DSCAM: variants seen among roughly 807,000 people sequenced by gnomAD.
DSCAM encodes the protein cell adhesion molecule DSCAM.
In DSCAM, 47 loss-of-function variants were observed where a neutral mutation model predicts 217.7. The observed-to-expected ratio is 0.22, with a 90% confidence interval of 0.17 to 0.28. The LOEUF is 0.28. Among genes scored for constraint, DSCAM ranks in the 10% least tolerant of loss-of-function variants. The pLI, the probability that DSCAM is intolerant of heterozygous loss-of-function variation, is 1.00. For missense variants in DSCAM, 2,080 were observed against 2,618.3 expected (o/e 0.79, Z 4.49); for synonymous variants, 1,056 against 1,015.3 (o/e 1.04, Z -0.76).
At chr21:40,252,293 T>C (rs1442934084) in intron 11 of DSCAM, among the ~76,000 whole-genome samples, 1 of 152,174 alleles carries the variant, frequency 6.6e-6, no homozygotes, top group Non-Finnish European at 1.5e-5. Context: ...TAATCTTTGG[T>C]AGGGTACAGA....
chr21:40,379,787 TA>T (rs1306590470), intron 3 of DSCAM, among the ~76,000 whole-genome samples: 1 of 152,164 alleles, frequency 6.6e-6, no homozygotes, highest in African/African-American at 2.4e-5. Flanking sequence ...AGTTTTTTTC[TA>T]AAAATAGGAT....
chr21:40,529,827 T>A, intron 3 of DSCAM, among the ~76,000 whole-genome samples: 1 of 152,142 alleles, frequency 6.6e-6, no homozygotes, highest in Admixed American at 6.6e-5. Context: ...GGTATCCCTC[T>A]TTCTTTCCTT....
At chr21:40,308,051 T>G (rs2123480728) in intron 9 of DSCAM, among the ~76,000 whole-genome samples, 1 of 151,986 alleles carries the variant, frequency 6.6e-6, no homozygotes, top group South Asian at 2.1e-4. Context: ...ACCTGCACAT[T>G]GTGCACATAT....
At chr21:40,843,708 T>A (rs2092121354) in intron 1 of DSCAM, among the ~76,000 whole-genome samples, 1 of 152,022 alleles carries the variant, frequency 6.6e-6, no homozygotes, top group Admixed American at 6.6e-5. Context: ...ATTGACTGCT[T>A]TAAAACACGA....
At chr21:40,800,394 G>A (rs1237807340) in intron 1 of DSCAM, among the ~76,000 whole-genome samples, 3 of 152,134 alleles carry the variant, frequency 2.0e-5, no homozygotes, top group Non-Finnish European at 4.4e-5. Flanking sequence ...TGAGGGAGCA[G>A]GCTAGAAAAA....
chr21:40,063,449 C>A (rs944514150), intron 27 of DSCAM, among the ~76,000 whole-genome samples: 16 of 151,370 alleles, frequency 1.1e-4, no homozygotes, highest in African/African-American at 3.9e-4. Flanking sequence ...GACCGGGTTA[C>A]CACTCTTGAC....
At chr21:40,256,740 CA>C (rs2073377580) in intron 11 of DSCAM, among the ~76,000 whole-genome samples, 2 of 152,200 alleles carry the variant, frequency 1.3e-5, no homozygotes, top group South Asian at 4.1e-4. Context: ...GAAATACCTT[CA>C]CAGCGACATC....
chr21:40,620,951 A>G (rs2089506961), intron 3 of DSCAM, among the ~76,000 whole-genome samples: 1 of 152,102 alleles, frequency 6.6e-6, no homozygotes, highest in Non-Finnish European at 1.5e-5. Context: ...TGGATCTCAG[A>G]TGCATTATAA....
intron 25 of DSCAM, among the ~76,000 whole-genome samples, chr21:40,079,798 G>A (rs957823676): frequency 5.1e-5 from 6 of 117,514 alleles, no homozygotes; most frequent in African/African-American, 1.6e-4. Flanking sequence ...GGAAATGATA[G>A]GAAGGTGGGA....
chr21:40,239,063 C>T (rs1267437357), intron 11 of DSCAM, among the ~76,000 whole-genome samples: 7 of 152,216 alleles, frequency 4.6e-5, no homozygotes, highest in African/African-American at 1.7e-4. Flanking sequence ...AGTTATGTGT[C>T]CAGAGTGGAA....
At chr21:40,787,847 T>C (rs2091607535) in intron 1 of DSCAM, among the ~76,000 whole-genome samples, 1 of 152,082 alleles carries the variant, frequency 6.6e-6, no homozygotes, top group South Asian at 2.1e-4. Context: ...ATGACATTAA[T>C]CTTCTCCACT....
chr21:40,585,326 A>C (rs2076937061), intron 3 of DSCAM, among the ~76,000 whole-genome samples: 1 of 58,708 alleles, frequency 1.7e-5, no homozygotes, highest in Non-Finnish European at 4.4e-5. Flanking sequence ...AGTGTTAAAG[A>C]AAAATGCTGC....
intron 3 of DSCAM, among the ~76,000 whole-genome samples, chr21:40,622,499 A>G (rs933996095): frequency 1.3e-5 from 2 of 152,074 alleles, no homozygotes. Context: ...CTCCATTTGC[A>G]TATTCATTTC....
intron 1 of DSCAM, among the ~76,000 whole-genome samples, chr21:40,714,717 T>C (rs1228801743): frequency 6.6e-6 from 1 of 152,210 alleles, no homozygotes; most frequent in Non-Finnish European, 1.5e-5. Context: ...AGATGAGACT[T>C]TGGACTTTCA....
intron 3 of DSCAM, among the ~76,000 whole-genome samples, chr21:40,379,634 T>G (rs1412551539): frequency 6.6e-6 from 1 of 152,194 alleles, no homozygotes; most frequent in African/African-American, 2.4e-5. Context: ...TCCAGTTGAT[T>G]TGGGTGTCAG....
chr21:40,338,129 G>C lies in DSCAM; in HGVS notation c.1755C>G (p.Thr585=). The change falls in exon 8 of 33, where the codon ACC becomes ACG. Residue 585 remains threonine, a synonymous_variant. Transcript: ENST00000400454. ...CNVLVQPQLS[T]SQSVHVTVKV... is the part of the protein sequence containing the mutation. ...TCACGGTCACGTGGACGCTCTGGCT[G>C]GTGGAGAGTTGTGGTTGAACCAACA... 1 of 1,614,212 alleles carries C rather than the reference G, an allele frequency of 6.2e-7. No homozygotes were observed. The highest frequency in any genetic ancestry group is 1.3e-5 in the African/African-American group (1 of 75,074).
chr21:40,170,250 G>A lies in DSCAM; in HGVS notation c.2948-2962C>T, dbSNP rs1254657413. Among the ~76,000 whole-genome samples the A allele has an allele frequency of 2.6e-5, 4 of 152,170 alleles. No individual in the cohort carries two copies. The East Asian group carries it at 7.7e-4, about 29-fold the overall frequency. ...CTGCAGCTGACACCTGCCTAGGCCTGGGGACCTGTCCCTGTAGTGTGCATA... is the reference window on the plus strand; with the variant it reads ...CTGCAGCTGACACCTGCCTAGGCCTAGGGACCTGTCCCTGTAGTGTGCATA... On this transcript the variant is annotated intron_variant, in intron 15 of 32. Transcript: ENST00000400454.
chr21:40,690,917 A>ACT (rs2090531239), intron 3 of DSCAM, among the ~76,000 whole-genome samples: 1 of 152,160 alleles, frequency 6.6e-6, no homozygotes, highest in Admixed American at 6.5e-5. Flanking sequence ...AACAACACAC[A>ACT]CTGGGGCCTA....
chr21:40,132,417 G>C (rs1323909274), intron 19 of DSCAM, among the ~76,000 whole-genome samples: 2 of 152,172 alleles, frequency 1.3e-5, no homozygotes, highest in African/African-American at 4.8e-5. Context: ...CTTCACTCAG[G>C]ACTTAGCTTT....
Sources: gnomAD v4.1 joint callset for allele counts (sites outside exome capture counted in the v4.1 genomes callset) on GRCh38, gnomAD v4.1.1 for gene constraint, MANE v1.5 for transcripts, NCBI Gene and HGNC (gene_info 2026-07-23, HGNC 2026-07-21) for gene names.